Variants in SPAG16 observed in about 807,000 individuals in gnomAD.
SPAG16 encodes the protein sperm-associated antigen 16 protein.
In SPAG16, 86 loss-of-function variants were observed where a neutral mutation model predicts 80.4. That is an observed-to-expected ratio of 1.07 (90% CI 0.90 to 1.28). SPAG16 has a LOEUF of 1.28. SPAG16 is among the 50% of genes most tolerant of loss of function. The pLI, the probability that SPAG16 is intolerant of heterozygous loss-of-function variation, is 0.00. For missense variants in SPAG16, 870 were observed against 765.3 expected (o/e 1.14, Z -1.61); for synonymous variants, 294 against 265.9 (o/e 1.11, Z -1.03).
In SPAG16 at chr2:213,313,263, TATTTA is replaced by T. The variant is rs779732719; in HGVS notation, c.398+3093_398+3097del. The stretch of plus-strand genomic sequence containing the variant: ...TTAAGAGAGCAGCCATTTAGGTGAG[TATTTA>T]ATTTAAATTTTTAAAACAAAATTAA... On this transcript the variant is annotated intron_variant, in intron 4 of 15. Coordinates refer to ENST00000331683, the MANE Select transcript of SPAG16 (RefSeq NM_024532.5). 1.2e-4 allele frequency among the ~76,000 whole-genome samples: 18 copies of T among 151,954 alleles called. No individual in the cohort carries two copies. The South Asian group carries it at 1.7e-3, about 14-fold the overall frequency.
At chr2:214,059,222 G>GTGTATATA (rs1553706195) in intron 13 of SPAG16, among the ~76,000 whole-genome samples, 2 of 121,466 alleles carry the variant, frequency 1.6e-5, no homozygotes, top group South Asian at 2.7e-4. Context: ...ATATGTATGT[G>GTGTATATA]TATATATATA....
intron 12 of SPAG16, among the ~76,000 whole-genome samples, chr2:213,938,318 A>T (rs750533900): frequency 6.6e-5 from 10 of 152,002 alleles, no homozygotes; most frequent in Non-Finnish European, 1.3e-4. Flanking sequence ...AATGATATGT[A>T]GCCATAGTCC....
chr2:213,900,130 T>C (rs1403766362), intron 11 of SPAG16, among the ~76,000 whole-genome samples: 5 of 152,158 alleles, frequency 3.3e-5, no homozygotes, highest in African/African-American at 4.8e-5. Flanking sequence ...TTGGTTACCA[T>C]GTATTCCTAA....
intron 13 of SPAG16, among the ~76,000 whole-genome samples, chr2:214,055,445 C>G (rs952510518): frequency 6.6e-6 from 1 of 152,052 alleles, no homozygotes; most frequent in Non-Finnish European, 1.5e-5. Flanking sequence ...ACTTTCCAAG[C>G]CTTTATTCCA....
chr2:213,451,220 CA>C (rs979135255), intron 9 of SPAG16, among the ~76,000 whole-genome samples: 1 of 151,946 alleles, frequency 6.6e-6, no homozygotes, highest in Non-Finnish European at 1.5e-5. Flanking sequence ...AGGGGCATTT[CA>C]AAAACAAAAA....
At chr2:214,297,676 A>G (rs1009148773) in intron 15 of SPAG16, among the ~76,000 whole-genome samples, 2 of 152,004 alleles carry the variant, frequency 1.3e-5, no homozygotes, top group African/African-American at 4.8e-5. Context: ...TGGGTTCTCT[A>G]TTCTGTTTAA....
chr2:214,250,228 A>G lies in SPAG16; in HGVS notation c.1720+100962A>G, dbSNP rs142800297. ...ACATTTGATAAGCATTCTCTCTGCCACATTTATTGACAGTTATTTATCATT... is the reference window on the plus strand; with the variant it reads ...ACATTTGATAAGCATTCTCTCTGCCGCATTTATTGACAGTTATTTATCATT... On this transcript the variant is annotated intron_variant, in intron 15 of 15. Coordinates refer to ENST00000331683, the MANE Select transcript of SPAG16 (RefSeq NM_024532.5). The G allele has an allele frequency of 1.5e-4, 23 of 152,274 alleles. No individual in the cohort carries two copies. In the East Asian group the frequency reaches 4.4e-3, roughly 29 times the overall value. The allele number at this position is 152,274 out of a possible 1,614,324, so 9.4% of individuals were successfully genotyped here. A position where few individuals can be genotyped will look rare whatever the true frequency, so the allele number is the denominator to read the frequency against.
intron 15 of SPAG16, among the ~76,000 whole-genome samples, chr2:214,382,290 A>T (rs1488350808): frequency 1.3e-5 from 2 of 152,354 alleles, no homozygotes; most frequent in African/African-American, 2.4e-5. Flanking sequence ...AAAGAAGCAT[A>T]ATTCATCCCT....
At chr2:213,667,720 T>C (rs1049803274) in intron 10 of SPAG16, among the ~76,000 whole-genome samples, 1 of 152,110 alleles carries the variant, frequency 6.6e-6, no homozygotes, top group Non-Finnish European at 1.5e-5. Flanking sequence ...AATAAACATA[T>C]TTATATTCCA....
At chr2:213,718,419 G>T (rs1175060831) in intron 10 of SPAG16, among the ~76,000 whole-genome samples, 1 of 152,192 alleles carries the variant, frequency 6.6e-6, no homozygotes, top group East Asian at 1.9e-4. Context: ...TCCCCCCACT[G>T]CACTGTGGGA....
intron 9 of SPAG16, among the ~76,000 whole-genome samples, chr2:213,385,823 A>G (rs2067401824): frequency 7.1e-6 from 1 of 140,032 alleles, no homozygotes; most frequent in African/African-American, 2.6e-5. Context: ...CACACGTATG[A>G]CTTCTTGTAA....
chr2:213,943,913 T>A (rs1418039359), intron 12 of SPAG16, among the ~76,000 whole-genome samples: 1 of 152,026 alleles, frequency 6.6e-6, no homozygotes, highest in Non-Finnish European at 1.5e-5. Flanking sequence ...GGCACCAAAA[T>A]GGAATAAAAT....
chr2:213,757,625 G>A (rs1310185836), intron 10 of SPAG16, among the ~76,000 whole-genome samples: 1 of 151,962 alleles, frequency 6.6e-6, no homozygotes, highest in East Asian at 1.9e-4. Flanking sequence ...CAACTTCTAG[G>A]GGAAAGCTTG....
intron 15 of SPAG16, among the ~76,000 whole-genome samples, chr2:214,190,094 A>G (rs2057611044): frequency 6.6e-6 from 1 of 152,084 alleles, no homozygotes; most frequent in Non-Finnish European, 1.5e-5. Flanking sequence ...TGATGCATGC[A>G]TATAGACATA....
intron 10 of SPAG16, among the ~76,000 whole-genome samples, chr2:213,580,961 TG>T (rs2060279388): frequency 6.6e-6 from 1 of 152,226 alleles, no homozygotes; most frequent in Admixed American, 6.6e-5. Flanking sequence ...GCCTATATTT[TG>T]TTTATGGATT....
At chr2:214,086,231 A>T (rs1357440462) in intron 13 of SPAG16, among the ~76,000 whole-genome samples, 1 of 152,140 alleles carries the variant, frequency 6.6e-6, no homozygotes, top group Non-Finnish European at 1.5e-5. Flanking sequence ...AAACTGTATT[A>T]ATTAAGGTTG....
rs186903155 is a variant in SPAG16 at position 214,124,626 on chromosome 2, G to T, written c.1593+16365G>T. On this transcript the variant is annotated intron_variant, in intron 14 of 15. Coordinates refer to ENST00000331683, the MANE Select transcript of SPAG16 (RefSeq NM_024532.5). ...CATAAGCACAATTACAAGAAAACTT[G>T]ATTATCCCCTTTAATGTAATTTTCC... 2.6e-3 allele frequency among the ~76,000 whole-genome samples: 390 copies of T among 151,918 alleles called. 3 individuals are homozygous for T. The highest frequency in any genetic ancestry group is 4.0e-3 in the Non-Finnish European group (271 of 67,994).
At chr2:213,933,742 G>A (rs2078870671) in intron 12 of SPAG16, among the ~76,000 whole-genome samples, 1 of 152,274 alleles carries the variant, frequency 6.6e-6, no homozygotes, top group Admixed American at 6.5e-5. Flanking sequence ...ATTTCTAAGT[G>A]TATTGTGTCC....
chr2:214,235,412 A>G (rs2125812555), intron 15 of SPAG16, among the ~76,000 whole-genome samples: 1 of 152,300 alleles, frequency 6.6e-6, no homozygotes, highest in East Asian at 1.9e-4. Context: ...ATTTATTGGT[A>G]TGATATTTAA....
Sources: gnomAD v4.1 joint callset for allele counts (sites outside exome capture counted in the v4.1 genomes callset) on GRCh38, gnomAD v4.1.1 for gene constraint, MANE v1.5 for transcripts, NCBI Gene and HGNC (gene_info 2026-07-23, HGNC 2026-07-21) for gene names.